The following SPACA6 variants were observed in gnomAD, a reference collection of about 807,000 sequenced individuals.
The protein encoded by SPACA6 is sperm acrosome membrane-associated protein 6.
For missense variants in SPACA6, 8 were observed against 2.8 expected (o/e 2.88, Z -1.34); for synonymous variants, 6 against 1.5 (o/e 4.05, Z -2.21).
At chr19:51,685,456 A>G (rs913979636), upstream of SPACA6, 1 of 152,220 alleles carries the variant, frequency 6.6e-6, no homozygotes. Context: ...CACAAAATTC[A>G]TTTGTTTTCA....
chr19:51,698,740 T>C (rs530475716), intron 2 of SPACA6, among the ~76,000 whole-genome samples: 1 of 152,352 alleles, frequency 6.6e-6, no homozygotes, highest in East Asian at 1.9e-4. Flanking sequence ...TGTATGGCTT[T>C]AATCACAGAG....
rs1250416740 is a variant in SPACA6 at position 51,703,344 on chromosome 19, C to T, written c.573+7C>T. The T allele has an allele frequency of 2.5e-6, 1 of 398,564 alleles. No homozygotes were observed. Among genetic ancestry groups the T allele is most frequent in the East Asian group, 3.6e-5 (1 of 28,058 alleles). The allele number at this position is 398,564 out of a possible 1,614,324, so 24.7% of individuals were successfully genotyped here. A position where few individuals can be genotyped will look rare whatever the true frequency, so the allele number is the denominator to read the frequency against. On this transcript the variant is annotated splice_region_variant and intron_variant, in intron 6 of 8. Coordinates refer to ENST00000637797, the MANE Select transcript of SPACA6 (RefSeq NM_001316972.2). This position sits in a 1 kb window ranked among gnomAD's most constrained non-coding sequence, Gnocchi z 4.2. ...GAAGTTCGCAGGAGGAGGTGTGAGT[C>T]GGGGCGGGGCCGGCGCGAAGAGTTT...
At chr19:51,699,062 G>C (rs967070963) in intron 2 of SPACA6, among the ~76,000 whole-genome samples, 2 of 152,152 alleles carry the variant, frequency 1.3e-5, no homozygotes, top group African/African-American at 4.8e-5. Context: ...GCTGGGTGGA[G>C]GGCAGTGGTG....
upstream of SPACA6, chr19:51,686,232 C>A (rs915858535): frequency 6.6e-6 from 1 of 152,184 alleles, no homozygotes. Flanking sequence ...AAGTCCCAGC[C>A]TAATCCACAA....
At position 51,703,622 on chromosome 19, in the gene SPACA6, C is replaced by A. The variant is rs2083487791; in HGVS notation, c.573+285C>A. On this transcript the variant is annotated intron_variant, in intron 6 of 8. Transcript: ENST00000637797. The surrounding 1 kb of genome is among the most constrained non-coding windows in gnomAD (Gnocchi z 4.2). ...GACCGGCCTCGGCAACAAATTAAGA[C>A]CCCTCCTCTGCCAAAAAATTTTAAA... Among the ~76,000 whole-genome samples the A allele has an allele frequency of 6.6e-6, 1 of 152,058 alleles. No homozygotes were observed. Among genetic ancestry groups the A allele is most frequent in the African/African-American group, 2.4e-5 (1 of 41,420 alleles).
intron 2 of SPACA6, among the ~76,000 whole-genome samples, chr19:51,711,383 G>A (rs138837885): frequency 1.6e-4 from 25 of 152,268 alleles, no homozygotes; most frequent in African/African-American, 5.3e-4. Flanking sequence ...AAAAAGTCGG[G>A]TAATACAAAA....
chr19:51,697,056 T>A (rs1406405675), intron 2 of SPACA6, among the ~76,000 whole-genome samples: 1 of 152,186 alleles, frequency 6.6e-6, no homozygotes, highest in Non-Finnish European at 1.5e-5. Context: ...CTTCACCACC[T>A]CTGACCAGGA....
upstream of SPACA6, chr19:51,687,383 A>C (rs1260677290): frequency 1.3e-5 from 2 of 152,044 alleles, no homozygotes; most frequent in African/African-American, 4.8e-5. Context: ...AATTAACTGA[A>C]TACACTAGGA....
downstream of SPACA6, among the ~76,000 whole-genome samples, chr19:51,708,660 C>T (rs893189182): frequency 6.6e-6 from 1 of 152,040 alleles, no homozygotes; most frequent in African/African-American, 2.4e-5. Flanking sequence ...AACCCTGTCT[C>T]TACTAAAAAT....
intron 2 of SPACA6, among the ~76,000 whole-genome samples, chr19:51,701,352 C>A (rs761541213): frequency 6.6e-6 from 1 of 152,132 alleles, no homozygotes; most frequent in African/African-American, 2.4e-5. Context: ...CCTTCTCCCC[C>A]CAACAAGCTA....
chr19:51,695,881 T>C (rs1264888349), intron 2 of SPACA6, among the ~76,000 whole-genome samples: 2 of 152,196 alleles, frequency 1.3e-5, no homozygotes, highest in Non-Finnish European at 2.9e-5. Context: ...TCTGCTGGGC[T>C]GTTTTGGGAA....
intron 2 of SPACA6, among the ~76,000 whole-genome samples, chr19:51,698,928 G>A (rs2083448819): frequency 6.6e-6 from 1 of 152,144 alleles, no homozygotes; most frequent in Non-Finnish European, 1.5e-5. Flanking sequence ...GGTCCCGTGT[G>A]GCTGCTAGAG....
upstream of SPACA6, chr19:51,686,561 C>A (rs1012257590): frequency 7.9e-5 from 12 of 152,190 alleles, no homozygotes. Context: ...CTTAATCATA[C>A]ATGAATTTGT....
At position 51,704,181 on chromosome 19, in the gene SPACA6, T is replaced by G. The variant is rs1363274431; in HGVS notation, c.725T>G (p.Leu242Arg). ...CCCCTGGCCCGGCTCTACTTCTTTCTTAACGGTGGGGCGGGGCGCGGCCGC... is the reference window on the plus strand; with the variant it reads ...CCCCTGGCCCGGCTCTACTTCTTTCGTAACGGTGGGGCGGGGCGCGGCCGC... ...QRPLARLYFF[L>R]NVTGPPPRAE... Residue 242 changes from leucine (L) to arginine (R), a missense_variant, in exon 7 of 9, where the codon CTT (leucine) becomes CGT (arginine). Transcript: ENST00000637797. 3 of 400,946 alleles carry G rather than the reference T, an allele frequency of 7.5e-6. No homozygotes were observed. Among genetic ancestry groups the G allele is most frequent in the African/African-American group, 2.1e-5 (1 of 48,686 alleles). 24.8% of individuals were successfully genotyped at this position (400,946 alleles called of 1,614,324 possible).
chr19:51,682,838 T>C, the SPACA6 span, among the ~76,000 whole-genome samples: 1 of 152,278 alleles, frequency 6.6e-6, no homozygotes, highest in East Asian at 1.9e-4. Context: ...AGGTCAGGCG[T>C]TTGAGACCAG....
chr19:51,697,600 C>A (rs1053411131), intron 2 of SPACA6, among the ~76,000 whole-genome samples: 5 of 152,032 alleles, frequency 3.3e-5, no homozygotes, highest in African/African-American at 1.2e-4. Flanking sequence ...TAGACTGGAC[C>A]AGATGTAGGT....
In SPACA6 at chr19:51,694,553, A is replaced by T. The variant is rs1225155273; in HGVS notation, c.290A>T (p.Gln97Leu). ...GCCCTGCAGGAGCTGGCTGCTGCCCAGGGTGAGTGTGTGGGGATGGGGAGA... is the reference window on the plus strand; with the variant it reads ...GCCCTGCAGGAGCTGGCTGCTGCCCTGGGTGAGTGTGTGGGGATGGGGAGA... ...THALQELAAA[Q>L]GSFEVAFPDA... The change falls in exon 2 of 9, where the codon CAG becomes CTG. Residue 97 changes from glutamine (Q) to leucine (L), a missense_variant and splice_region_variant. Transcript: ENST00000637797. 2.5e-6 allele frequency: 1 copy of T among 399,484 alleles called. No individual in the cohort carries two copies. Among genetic ancestry groups the T allele is most frequent in the Non-Finnish European group, 4.4e-6 (1 of 226,470 alleles). The allele number at this position is 399,484 out of a possible 1,614,324, so 24.7% of individuals were successfully genotyped here.
rs141858942 is a variant in SPACA6 at position 51,711,795 on chromosome 19, T to G, written n.200-238T>G. 3.5e-3 allele frequency among the ~76,000 whole-genome samples: 531 copies of G among 152,260 alleles called. 4 individuals carry two copies. Among genetic ancestry groups the G allele is most frequent in the African/African-American group, 0.012 (499 of 41,556 alleles). Reference sequence around the variant, plus strand: ...GGAAGTCACAAAAAAAAGCACATACTGCAGGATTGCATTGATATGAAATAG... The same window carrying G: ...GGAAGTCACAAAAAAAAGCACATACGGCAGGATTGCATTGATATGAAATAG... On this transcript the variant is annotated intron_variant and non_coding_transcript_variant, in intron 2 of 2. Coordinates refer to the SPACA6 transcript ENST00000573896.
Position 51,704,164 on chromosome 19 carries a change from C to T in SPACA6, c.708C>T (p.Ala236=), listed in dbSNP as rs1036564841. 1.2e-5 allele frequency: 5 copies of T among 401,194 alleles called. No individual in the cohort carries two copies. The highest frequency in any genetic ancestry group is 3.1e-4 in the Middle Eastern group (1 of 3,218). 24.9% of individuals were successfully genotyped at this position (401,194 alleles called of 1,614,324 possible). The part of the protein sequence containing the change: ...CVIKQDQRPL[A]RLYFFLNVTG... ...TCAAGCAAGACCAGCGCCCCCTGGC[C>T]CGGCTCTACTTCTTTCTTAACGGTG... Residue 236 remains alanine, a synonymous_variant, in exon 7 of 9, where the codon GCC becomes GCT. Transcript: ENST00000637797.
Sources: allele counts gnomAD v4.1 joint callset (sites outside exome capture counted in the v4.1 genomes callset), GRCh38; gene constraint gnomAD v4.1.1; non-coding constraint Gnocchi (gnomAD v3.1); transcripts MANE v1.5; gene names NCBI Gene and HGNC (gene_info 2026-07-23, HGNC 2026-07-21).